Variants in QSOX2 observed in about 807,000 individuals in gnomAD.
QSOX2 encodes the protein quiescin sulfhydryl oxidase 2.
Under a neutral mutation model 61.7 loss-of-function variants are expected in QSOX2, and 46 were observed. The observed-to-expected ratio is 0.75, with a 90% confidence interval of 0.59 to 0.95. The LOEUF is 0.95. Among genes scored for constraint, QSOX2 ranks in the 40% least tolerant of loss-of-function variants. QSOX2 has a pLI of 0.00. For synonymous variants in QSOX2, 383 were observed against 388.4 expected (o/e 0.99, Z 0.16); for missense variants, 879 against 918.9 (o/e 0.96, Z 0.56).
intron 10 of QSOX2, among the ~76,000 whole-genome samples, chr9:136,213,842 T>C (rs1277375946): frequency 6.6e-6 from 1 of 151,974 alleles, no homozygotes; most frequent in Non-Finnish European, 1.5e-5. Flanking sequence ...CATTCCAAGG[T>C]CCCCTGGACT....
In QSOX2 at chr9:136,209,601, G is replaced by A. The variant is rs577902634; in HGVS notation, c.1550-326C>T. On this transcript the variant is annotated intron_variant, in intron 11 of 11. Transcript: ENST00000358701. The surrounding 1 kb of genome is among the most constrained non-coding windows in gnomAD (Gnocchi z 5.6). ...CCACCCAGCACTCCACTTCCAAAAC[G>A]GAGCATGCAGCTCTCACCTGGAGGC... The A allele has an allele frequency of 3.5e-4, 349 of 985,338 alleles. No individual in the cohort carries two copies. Among genetic ancestry groups the A allele is most frequent in the Non-Finnish European group, 4.0e-4 (336 of 829,908 alleles). The allele number at this position is 985,338 out of a possible 1,614,324, so 61.0% of individuals were successfully genotyped here.
Position 136,215,234 on chromosome 9 carries a change from C to A in QSOX2, c.1280G>T (p.Gly427Val). Residue 427 changes from glycine (G) to valine (V), a missense_variant, in exon 10 of 12, where the codon GGT (glycine) becomes GTT (valine). Transcript: ENST00000358701. ...CAGTTTCCAGAGAGAACACGGGTAACCCCTCAACTCAGATCGGCTTCCTTG... is the reference window on the plus strand; with the variant it reads ...CAGTTTCCAGAGAGAACACGGGTAAACCCTCAACTCAGATCGGCTTCCTTG... Reference protein sequence around the residue: ...GCQGSRSELRGYPCSLWKLFH... With the variant: ...GCQGSRSELRVYPCSLWKLFH... 1 of 1,614,084 alleles carries A rather than the reference C, an allele frequency of 6.2e-7. No individual in the cohort carries two copies. Among genetic ancestry groups the A allele is most frequent in the Non-Finnish European group, 8.5e-7 (1 of 1,180,022 alleles).
rs748124260 is a variant in QSOX2 at position 136,211,401 on chromosome 9, T to G, written c.1412A>C (p.His471Pro). 1.2e-5 allele frequency: 20 copies of G among 1,614,076 alleles called. No individual in the cohort carries two copies. In the East Asian group the frequency reaches 4.5e-4, roughly 36 times the overall value. Residue 471 changes from histidine to proline, a missense_variant, in exon 11 of 12, where the codon CAC (histidine) becomes CCC (proline). Coordinates refer to ENST00000358701, the MANE Select transcript of QSOX2 (RefSeq NM_181701.4). The part of the protein sequence containing the change: ...AVLQTMRRYV[H>P]TFFGCKECGE... The stretch of plus-strand genomic sequence containing the variant: ...ACATTCCTTACACCCAAAGAAGGTG[T>G]GAACGTACCTCCTCATTGTCTGCAG...
chr9:136,237,203 C>T (rs1588641313), intron 1 of QSOX2, among the ~76,000 whole-genome samples: 4 of 117,542 alleles, frequency 3.4e-5, no homozygotes, highest in Admixed American at 1.7e-4. Flanking sequence ...CTGGAGCCTG[C>T]TCTGGGCCGG....
At chr9:136,216,799 C>A in intron 8 of QSOX2, 77 bp from the exon 9 acceptor site, 1 of 1,561,174 alleles carries the variant, frequency 6.4e-7, no homozygotes. Context: ...CACCGCACCT[C>A]CAAAGAGAAG....
chr9:136,234,103 C>T (rs754953854), intron 1 of QSOX2, among the ~76,000 whole-genome samples: 3 of 151,490 alleles, frequency 2.0e-5, no homozygotes, highest in Non-Finnish European at 4.4e-5. Flanking sequence ...CGAGGCTCCA[C>T]CTGGGGCAGC....
chr9:136,207,557 G>C lies in QSOX2; in HGVS notation c.*1171C>G, dbSNP rs1564287549. The C allele has an allele frequency of 6.6e-6, 1 of 152,342 alleles. No homozygotes were observed. The highest frequency in any genetic ancestry group is 1.5e-5 in the Non-Finnish European group (1 of 68,052). 9.4% of individuals were successfully genotyped at this position (152,342 alleles called of 1,614,324 possible). ...GGCAACGGACCACTAAATGTTTTGG[G>C]TTTAAAAACAATGTTTAAAATTATC... On this transcript the variant is annotated 3_prime_UTR_variant, in exon 12 of 12. Transcript: ENST00000358701.
At chr9:136,212,397 G>A (rs927296233) in intron 10 of QSOX2, among the ~76,000 whole-genome samples, 1 of 152,248 alleles carries the variant, frequency 6.6e-6, no homozygotes, top group African/African-American at 2.4e-5. Context: ...CCCTGGGGGA[G>A]CTTCCCGCGT....
chr9:136,225,266 C>A (rs1399392084), intron 2 of QSOX2, among the ~76,000 whole-genome samples: 2 of 152,216 alleles, frequency 1.3e-5, no homozygotes, highest in African/African-American at 4.8e-5. Context: ...TTAGCTGTGA[C>A]AACACGGAGG....
chr9:136,217,989 T>C (rs557907570), intron 8 of QSOX2, among the ~76,000 whole-genome samples: 1 of 152,384 alleles, frequency 6.6e-6, no homozygotes, highest in African/African-American at 2.4e-5. Context: ...TAAATTATTC[T>C]ATCATGCATC....
intron 8 of QSOX2, among the ~76,000 whole-genome samples, 175 bp from the exon 9 acceptor site, chr9:136,216,897 T>C (rs1340585899): frequency 5.9e-5 from 9 of 152,170 alleles, no homozygotes; most frequent in Non-Finnish European, 1.3e-4. Flanking sequence ...CAAGGGGCCA[T>C]GGGGTGGGCA....
At position 136,215,080 on chromosome 9, in the gene QSOX2, C is replaced by T. The variant is rs1170745731; in HGVS notation, c.1360+74G>A. The T allele has an allele frequency of 1.4e-5, 21 of 1,551,672 alleles. No individual in the cohort carries two copies. The South Asian group carries it at 1.6e-4, about 12-fold the overall frequency. On this transcript the variant is annotated intron_variant, in intron 10 of 11. Coordinates refer to ENST00000358701, the MANE Select transcript of QSOX2 (RefSeq NM_181701.4). ...GCTGCCTCCCATACAGCAGTACATG[C>T]CTTTGCACACACCGGCTGGGTTAAC...
At chr9:136,217,682 G>A (rs1426623392) in intron 8 of QSOX2, among the ~76,000 whole-genome samples, 2 of 152,222 alleles carry the variant, frequency 1.3e-5, no homozygotes, top group Non-Finnish European at 2.9e-5. Flanking sequence ...GGAGAAGCCG[G>A]GAGAGGAGAG....
intron 2 of QSOX2, among the ~76,000 whole-genome samples, chr9:136,225,333 T>C (rs976525835): frequency 6.6e-6 from 1 of 152,236 alleles, no homozygotes; most frequent in Non-Finnish European, 1.5e-5. Context: ...TAGGTTCTTA[T>C]GTTAACATTA....
chr9:136,243,920 C>T (rs187544602), intron 1 of QSOX2, among the ~76,000 whole-genome samples: 24 of 152,316 alleles, frequency 1.6e-4, no homozygotes, highest in Admixed American at 1.2e-3. Context: ...TGGGTATGGA[C>T]GTTACTGTGT....
intron 8 of QSOX2, among the ~76,000 whole-genome samples, chr9:136,218,174 C>A (rs546099679): frequency 1.3e-5 from 2 of 152,326 alleles, no homozygotes; most frequent in African/African-American, 4.8e-5. Context: ...CCGCTCCTGG[C>A]GACCCCCTCA....
At chr9:136,233,745 G>C (rs1564296572) in intron 1 of QSOX2, among the ~76,000 whole-genome samples, 3 of 152,194 alleles carry the variant, frequency 2.0e-5, no homozygotes, top group Admixed American at 6.5e-5. Context: ...CGACGCTGTG[G>C]AGCCAAGTGC....
At position 136,208,856 on chromosome 9, in the gene QSOX2, A is replaced by G. The variant is rs773967727; in HGVS notation, c.1969T>C (p.Ser657Pro). The change falls in exon 12 of 12, where the codon TCC becomes CCC. Residue 657 changes from serine to proline, a missense_variant. Coordinates refer to ENST00000358701, the MANE Select transcript of QSOX2 (RefSeq NM_181701.4). ...ACACAGAGACTCATGTCCAGGCTGG[A>G]GAAGTCAACCCCGAGGAAGGGTGCG... ...GAAPFLGVDF[S>P]SLDMSLCVVL... 1.9e-6 allele frequency: 3 copies of G among 1,613,988 alleles called. No homozygotes were observed. Among genetic ancestry groups the G allele is most frequent in the Non-Finnish European group, 1.7e-6 (2 of 1,180,000 alleles).
intron 1 of QSOX2, among the ~76,000 whole-genome samples, chr9:136,228,971 T>C (rs946731616): frequency 2.6e-5 from 4 of 152,170 alleles, no homozygotes; most frequent in Admixed American, 2.6e-4. Flanking sequence ...ACGGAACATA[T>C]CACCAGACTC....
Sources: gnomAD v4.1 joint callset for allele counts (sites outside exome capture counted in the v4.1 genomes callset) on GRCh38, gnomAD v4.1.1 for gene constraint, Gnocchi (gnomAD v3.1) non-coding constraint, MANE v1.5 for transcripts, NCBI Gene and HGNC (gene_info 2026-07-23, HGNC 2026-07-21) for gene names.